Variants in MPRIP observed in about 807,000 individuals in gnomAD.
MPRIP encodes myosin phosphatase Rho interacting protein.
Under a neutral mutation model 234.9 loss-of-function variants are expected in MPRIP, and 59 were observed. The observed-to-expected ratio is 0.25, with a 90% CI of 0.20 to 0.31. The LOEUF is 0.31. Ranked by LOEUF, MPRIP falls within the 10% of genes least tolerant of loss-of-function variation. The pLI, the probability that MPRIP is intolerant of heterozygous loss-of-function variation, is 1.00. For missense variants in MPRIP, 2,436 were observed against 3,071.0 expected, an observed-to-expected ratio of 0.79 and a Z score of 4.89; for synonymous variants, 1,144 against 1,263.9, an observed-to-expected ratio of 0.91 and a Z score of 2.01.
At chr17:17,117,021 C>T (rs1018274420) in intron 3 of MPRIP, among the ~76,000 whole-genome samples, 4 of 152,132 alleles carry the variant, frequency 2.6e-5, no homozygotes, top group Non-Finnish European at 4.4e-5. Context: ...AGGATGTGCC[C>T]CCTCCCCTTG....
chr17:17,173,071 T>A (rs1033215229), intron 18 of MPRIP, among the ~76,000 whole-genome samples: 1 of 152,230 alleles, frequency 6.6e-6, no homozygotes, highest in Admixed American at 6.5e-5. Flanking sequence ...ACTCCCCTCT[T>A]GTCCAGGGCT....
At chr17:17,063,703 G>A (rs917322048) in intron 1 of MPRIP, among the ~76,000 whole-genome samples, 6 of 152,344 alleles carry the variant, frequency 3.9e-5, no homozygotes, top group South Asian at 2.1e-4. Context: ...GTTAACCACC[G>A]TTAGAGATCT....
At chr17:17,047,132 G>A (rs951608422) in intron 1 of MPRIP, among the ~76,000 whole-genome samples, 1 of 152,218 alleles carries the variant, frequency 6.6e-6, no homozygotes, top group Non-Finnish European at 1.5e-5. Context: ...ATTGAGCCAA[G>A]ATCGTGCCAC....
intron 22 of MPRIP, among the ~76,000 whole-genome samples, chr17:17,179,768 G>T (rs1435719132): frequency 6.6e-6 from 1 of 152,240 alleles, no homozygotes; most frequent in African/African-American, 2.4e-5. Flanking sequence ...AGTGCAGGAA[G>T]CCCTGGCGGG....
rs7207485 is a variant in MPRIP at position 17,186,953 on chromosome 17, G to A, written c.*2059G>A. The A allele has an allele frequency of 0.82, 124,793 of 152,148 alleles. 51,378 individuals are homozygous for A. The highest frequency in any genetic ancestry group is 0.99 in the East Asian group (5,123 of 5,160). 9.4% of individuals were successfully genotyped at this position (152,148 alleles called of 1,614,324 possible). A position where few individuals can be genotyped will look rare whatever the true frequency, so the allele number is the denominator to read the frequency against. Reference sequence around the variant, plus strand: ...GACCAGATAGGAGTTTTTGCCTCGTGTCTGGGTGCTACGATTTTGTGCCGT... The same window carrying A: ...GACCAGATAGGAGTTTTTGCCTCGTATCTGGGTGCTACGATTTTGTGCCGT... On this transcript the variant is annotated 3_prime_UTR_variant, in exon 24 of 24. Coordinates refer to ENST00000651222, the MANE Select transcript of MPRIP (RefSeq NM_001364716.4).
rs750816176 is a variant in MPRIP at position 17,165,069 on chromosome 17, C to G, written c.3478C>G (p.His1160Asp). The G allele has an allele frequency of 2.1e-5, 28 of 1,302,922 alleles. No homozygotes were observed. Among genetic ancestry groups the G allele is most frequent in the Non-Finnish European group, 2.6e-5 (26 of 988,968 alleles). 80.7% of individuals were successfully genotyped at this position (1,302,922 alleles called of 1,614,324 possible). ...QRVSSQLQSM[H>D]TLLREKEEEL... Reference sequence around the variant, plus strand: ...GGTCTCCAGCCAGCTGCAGAGCATGCACACTCTGCTGAGAGAGAAGGAGGA... The same window carrying G: ...GGTCTCCAGCCAGCTGCAGAGCATGGACACTCTGCTGAGAGAGAAGGAGGA... The change falls in exon 16 of 24, where the codon CAC becomes GAC. Residue 1160 changes from histidine (H) to aspartate (D), a missense_variant. By Grantham distance (81) the His-to-Asp change is moderately conservative. Around this residue, in one of 4 missense-constraint regions of MPRIP, gnomAD observed 1,998 missense variants for 2,520.3 expected, o/e 0.79. Transcript: ENST00000651222.
At chr17:17,096,000 C>G (rs1312917981) in intron 3 of MPRIP, among the ~76,000 whole-genome samples, 1 of 152,132 alleles carries the variant, frequency 6.6e-6, no homozygotes, top group African/African-American at 2.4e-5. Flanking sequence ...ATACCTCCCC[C>G]CCACACACAC....
chr17:17,149,504 A>C (rs1052988725), intron 11 of MPRIP, among the ~76,000 whole-genome samples: 8 of 152,018 alleles, frequency 5.3e-5, no homozygotes, highest in African/African-American at 1.7e-4. Context: ...AAAAAAAAAA[A>C]AACTTCCGTA....
intron 23 of MPRIP, chr17:17,181,823 A>G (rs2046379957): frequency 6.6e-6 from 1 of 152,240 alleles, no homozygotes; most frequent in East Asian, 1.9e-4. Context: ...AACTCTGTGC[A>G]GTGAGTGGGT....
Position 17,167,947 on chromosome 17 carries a change from A to G in MPRIP, c.6324+32A>G. On this transcript the variant is annotated intron_variant, in intron 16 of 23. Transcript: ENST00000651222. This position sits in a 1 kb window ranked among gnomAD's most constrained non-coding sequence, Gnocchi z 5.9. ...ACGCCCCATTCAATTTGCAGAGCAG[A>G]TCTTCCTTGATAATGGGGTGGGTGT... is the stretch of plus-strand genomic sequence containing the variant. 7.8e-7 allele frequency: 1 copy of G among 1,278,258 alleles called. No individual in the cohort carries two copies. Among genetic ancestry groups the G allele is most frequent in the Non-Finnish European group, 1.0e-6 (1 of 974,688 alleles). The allele number at this position is 1,278,258 out of a possible 1,614,324, so 79.2% of individuals were successfully genotyped here.
rs1420978430 is a variant in MPRIP at position 17,136,387 on chromosome 17, CCCAGCCAGAGCCAGCCTCCTGCTG to C, written c.679_702del (p.Gln227_Ser234del). On this transcript the variant is annotated inframe_deletion, in exon 6 of 24. Transcript: ENST00000651222. Reference sequence around the variant, plus strand: ...CAGCAGCCTGAGTCCAGCTCAGAGTCCCAGCCAGAGCCAGCCTCCTGCTGCCAGCTCCCTGCGGGAACCTGGGCT... The same window carrying C: ...CAGCAGCCTGAGTCCAGCTCAGAGTCCCAGCTCCCTGCGGGAACCTGGGCT... 1.9e-6 allele frequency: 3 copies of C among 1,610,124 alleles called. No homozygotes were observed. The highest frequency in any genetic ancestry group is 2.5e-6 in the Non-Finnish European group (3 of 1,178,170).
intron 23 of MPRIP, 36 bp from the exon 24 acceptor site, chr17:17,184,787 G>A: frequency 1.9e-6 from 3 of 1,544,434 alleles, no homozygotes; most frequent in Non-Finnish European, 2.7e-6. Context: ...GTCTAACGGT[G>A]TGTTTATTTT....
chr17:17,148,378 C>T (rs992849731), intron 11 of MPRIP, among the ~76,000 whole-genome samples: 1 of 151,946 alleles, frequency 6.6e-6, no homozygotes, highest in East Asian at 1.9e-4. Flanking sequence ...CTTTTTTTTG[C>T]GTGTGACCAT....
chr17:17,043,553 ACCTGTGGGT>A (rs2088249693), intron 1 of MPRIP, among the ~76,000 whole-genome samples: 1 of 151,898 alleles, frequency 6.6e-6, no homozygotes, highest in African/African-American at 2.4e-5. Context: ...GGGTGAGGAG[ACCTGTGGGT>A]CCTCGGGAAA....
rs916943603 is a variant in MPRIP, at chr17:17,092,612, G to A, written c.267+14536G>A. ...GTTTTCTGTCTCCTGCAGCCCATGGGATCAGACCCTGCGCTGAGCTCCTTC... is the reference window on the plus strand; with the variant it reads ...GTTTTCTGTCTCCTGCAGCCCATGGAATCAGACCCTGCGCTGAGCTCCTTC... On this transcript the variant is annotated intron_variant, in intron 3 of 23. Transcript: ENST00000651222. Among the ~76,000 whole-genome samples, 8 of 152,200 alleles carry A rather than the reference G, an allele frequency of 5.3e-5. No individual in the cohort carries two copies. The South Asian group carries it at 1.2e-3, about 24-fold the overall frequency.
rs905842523 is a variant in MPRIP, at chr17:17,111,319, A to G, written c.268-15383A>G. Among the ~76,000 whole-genome samples the G allele has an allele frequency of 2.9e-4, 44 of 150,794 alleles. 1 individual carries two copies. The highest frequency in any genetic ancestry group is 2.6e-3 in the South Asian group (12 of 4,684). ...GGCTGCTAAGAAGGACCTGGAAAGC[A>G]GGTGCCAGTGGCCTTGCCCTTGAAG... On this transcript the variant is annotated intron_variant, in intron 3 of 23. Transcript: ENST00000651222.
intron 3 of MPRIP, among the ~76,000 whole-genome samples, chr17:17,082,528 C>T (rs1459713266): frequency 6.6e-6 from 1 of 152,086 alleles, no homozygotes. Flanking sequence ...CTCCAGACCT[C>T]AGGTGATCCG....
At chr17:17,068,604 C>T (rs1459389809) in intron 1 of MPRIP, among the ~76,000 whole-genome samples, 1 of 151,528 alleles carries the variant, frequency 6.6e-6, no homozygotes, top group Non-Finnish European at 1.5e-5. Flanking sequence ...AGTCTTGGCT[C>T]ACTGCAACCT....
chr17:17,101,731 C>T (rs1054731357), intron 3 of MPRIP, among the ~76,000 whole-genome samples: 10 of 152,184 alleles, frequency 6.6e-5, no homozygotes, highest in Non-Finnish European at 1.5e-4. Flanking sequence ...GGGTAGAGTT[C>T]TAGAAATAGA....
Sources: gnomAD v4.1 joint callset for allele counts (sites outside exome capture counted in the v4.1 genomes callset) on GRCh38, gnomAD v4.1.1 for gene constraint, gnomAD v4.1.1 regional missense constraint, Gnocchi (gnomAD v3.1) non-coding constraint, MANE v1.5 for transcripts, NCBI Gene and HGNC (gene_info 2026-07-23, HGNC 2026-07-21) for gene names.